RAD51B: variants seen among roughly 807,000 people sequenced by gnomAD.
The protein encoded by RAD51B is DNA repair protein RAD51 homolog 2.
A neutral mutation model predicts 42.2 loss-of-function variants in RAD51B; 38 were observed. The ratio of observed to expected loss-of-function variants is 0.90; its 90% CI spans 0.70 to 1.18. The LOEUF is 1.18. Among genes scored for constraint, RAD51B ranks in the 50% most tolerant of loss-of-function variants. RAD51B has a pLI of 0.00. For synonymous variants in RAD51B, 154 were observed against 145.2 expected (o/e 1.06, Z -0.43); for missense variants, 373 against 400.7 (o/e 0.93, Z 0.59).
intron 10 of RAD51B, among the ~76,000 whole-genome samples, chr14:68,528,002 A>G (rs887173336): frequency 1.3e-5 from 2 of 152,108 alleles, no homozygotes; most frequent in African/African-American, 2.4e-5. Context: ...TTAAAACATT[A>G]TTTTTTTTAA....
chr14:68,238,722 G>A (rs922884350), intron 7 of RAD51B, among the ~76,000 whole-genome samples: 1 of 152,208 alleles, frequency 6.6e-6, no homozygotes, highest in Non-Finnish European at 1.5e-5. Flanking sequence ...GTAATACAAT[G>A]TATCCCTGCG....
intron 10 of RAD51B, among the ~76,000 whole-genome samples, chr14:68,536,276 C>G (rs1448189939): frequency 6.6e-6 from 1 of 152,188 alleles, no homozygotes; most frequent in Non-Finnish European, 1.5e-5. Context: ...AAAAGATAAT[C>G]CGCCAAAAGG....
chr14:67,889,298 A>G (rs1000417051), intron 7 of RAD51B, among the ~76,000 whole-genome samples: 8 of 151,504 alleles, frequency 5.3e-5, no homozygotes, highest in African/African-American at 1.9e-4. Context: ...TAAATGGAAA[A>G]TCTCTCACAC....
At chr14:68,312,362 T>C (rs899514880) in intron 8 of RAD51B, among the ~76,000 whole-genome samples, 3 of 152,244 alleles carry the variant, frequency 2.0e-5, no homozygotes, top group Non-Finnish European at 4.4e-5. Context: ...GTTTAAAACA[T>C]GTTGCAGGCT....
chr14:68,474,032 G>A (rs1168551552), intron 10 of RAD51B, among the ~76,000 whole-genome samples: 4 of 152,138 alleles, frequency 2.6e-5, no homozygotes, highest in Admixed American at 2.0e-4. Flanking sequence ...CACAGGCCAC[G>A]TGATACACAG....
intron 7 of RAD51B, among the ~76,000 whole-genome samples, chr14:68,161,964 A>G (rs1292832646): frequency 6.6e-6 from 1 of 152,232 alleles, no homozygotes; most frequent in Non-Finnish European, 1.5e-5. Flanking sequence ...GTGCTACTGT[A>G]TAGAGGCTAG....
At chr14:67,988,015 GCAAA>G (rs148628851) in intron 7 of RAD51B, among the ~76,000 whole-genome samples, 1,576 of 152,116 alleles carry the variant, frequency 0.01, 26 homozygotes, top group African/African-American at 0.036. Flanking sequence ...ACCAAACCAA[GCAAA>G]CAAACAAACA....
intron 7 of RAD51B, among the ~76,000 whole-genome samples, chr14:67,999,173 A>G (rs2075436307): frequency 6.6e-6 from 1 of 152,106 alleles, no homozygotes; most frequent in African/African-American, 2.4e-5. Flanking sequence ...GAGGTGTGAC[A>G]GTAACTTTTT....
intron 7 of RAD51B, among the ~76,000 whole-genome samples, chr14:67,973,423 A>C (rs1477033399): frequency 1.3e-5 from 2 of 152,186 alleles, no homozygotes; most frequent in African/African-American, 4.8e-5. Flanking sequence ...GCACACACAC[A>C]CAAAAAACTA....
intron 10 of RAD51B, among the ~76,000 whole-genome samples, chr14:68,496,449 C>T (rs1406527793): frequency 1.3e-5 from 2 of 152,212 alleles, no homozygotes; most frequent in Admixed American, 1.3e-4. Context: ...GGTCTCCTGT[C>T]ACCATCTTCC....
intron 8 of RAD51B, among the ~76,000 whole-genome samples, chr14:68,296,239 C>T (rs934685413): frequency 1.6e-4 from 24 of 152,064 alleles, no homozygotes; most frequent in African/African-American, 4.8e-4. Flanking sequence ...CTTCTAGTAT[C>T]CACTCTGTCA....
At chr14:68,523,710 G>A (rs1225481665) in intron 10 of RAD51B, among the ~76,000 whole-genome samples, 3 of 152,158 alleles carry the variant, frequency 2.0e-5, no homozygotes, top group African/African-American at 7.2e-5. Context: ...TGGTGTATGT[G>A]GGGGACTGCC....
intron 9 of RAD51B, among the ~76,000 whole-genome samples, chr14:68,426,465 AAAC>A (rs1232664572): frequency 6.6e-6 from 1 of 152,214 alleles, no homozygotes; most frequent in Non-Finnish European, 1.5e-5. Flanking sequence ...ATGAAGTGGC[AAAC>A]AACTTGGTTG....
chr14:67,866,278 A>G (rs955991702), intron 5 of RAD51B, among the ~76,000 whole-genome samples: 2 of 152,262 alleles, frequency 1.3e-5, no homozygotes, highest in Admixed American at 1.3e-4. Context: ...AAAAAAGAAC[A>G]GAAGAATAAA....
intron 7 of RAD51B, among the ~76,000 whole-genome samples, chr14:68,019,200 G>A (rs1790903668): frequency 6.6e-6 from 1 of 151,918 alleles, no homozygotes; most frequent in South Asian, 2.1e-4. Context: ...TTATAAAGGA[G>A]CCTTGCAAGG....
downstream of RAD51B, among the ~76,000 whole-genome samples, chr14:68,482,176 G>GGTGTGTGTGTGTGTGT (rs66768673): frequency 3.8e-3 from 575 of 149,908 alleles, 4 homozygotes; most frequent in East Asian, 0.017. Flanking sequence ...ATATTTTAGG[G>GGTGTGTGTGTGTGTGT]GTGTGTGTGT....
intron 7 of RAD51B, among the ~76,000 whole-genome samples, chr14:68,046,964 G>GTTTTTTTTTTTTTTT (rs892993882): frequency 7.0e-6 from 1 of 142,392 alleles, no homozygotes; most frequent in Non-Finnish European, 1.5e-5. Context: ...TTTGCTTTTT[G>GTTTTTTTTTTTTTTT]TTTTTTTTTT....
chr14:68,358,089 A>G (rs1290511189), intron 8 of RAD51B, among the ~76,000 whole-genome samples: 3 of 152,226 alleles, frequency 2.0e-5, no homozygotes, highest in African/African-American at 7.2e-5. Context: ...ACATTTATTA[A>G]GTTTGCTGTC....
intron 11 of RAD51B, among the ~76,000 whole-genome samples, chr14:68,682,281 G>T (rs1050692646): frequency 6.6e-6 from 1 of 152,124 alleles, no homozygotes; most frequent in Admixed American, 6.5e-5. Flanking sequence ...AACCTAACTA[G>T]CTAGTCAACT....
Sources: gnomAD v4.1 joint callset for allele counts (sites outside exome capture counted in the v4.1 genomes callset) on GRCh38, gnomAD v4.1.1 for gene constraint, MANE v1.5 for transcripts, NCBI Gene and HGNC (gene_info 2026-07-23, HGNC 2026-07-21) for gene names.